Variants in PRELID2 observed in about 807,000 individuals in gnomAD.
PRELID2 encodes PRELI domain-containing protein 2.
PRELID2 carries 25 observed loss-of-function variants against 28.4 expected under a neutral mutation model. The observed-to-expected ratio is 0.88, with a 90% CI of 0.64 to 1.23. PRELID2 has a LOEUF of 1.23. PRELID2 is among the 50% of genes most tolerant of loss of function. PRELID2 has a pLI of 0.00. For synonymous variants in PRELID2, 76 were observed against 71.6 expected, an observed-to-expected ratio of 1.06 and a Z score of -0.31; for missense variants, 201 against 214.4, an observed-to-expected ratio of 0.94 and a Z score of 0.39.
At chr5:145,782,358 G>T (rs185682218) in intron 5 of PRELID2, among the ~76,000 whole-genome samples, 4 of 152,184 alleles carry the variant, frequency 2.6e-5, no homozygotes, top group Admixed American at 2.0e-4. Context: ...ATGACTTTGT[G>T]CAAGGAATTG....
At chr5:145,776,602 G>A (rs1758426823) in intron 5 of PRELID2, among the ~76,000 whole-genome samples, 1 of 152,196 alleles carries the variant, frequency 6.6e-6, no homozygotes, top group African/African-American at 2.4e-5. Context: ...CACCGTTTCA[G>A]GCACCCACTG....
chr5:145,496,360 G>A (rs890363455), intron 1 of PRELID2, among the ~76,000 whole-genome samples: 1 of 152,096 alleles, frequency 6.6e-6, no homozygotes, highest in Non-Finnish European at 1.5e-5. Flanking sequence ...TAAACTTGTA[G>A]GTCACAAATA....
intron 1 of PRELID2, among the ~76,000 whole-genome samples, chr5:145,680,838 T>C (rs1259704813): frequency 6.6e-6 from 1 of 151,528 alleles, no homozygotes; most frequent in Non-Finnish European, 1.5e-5. Context: ...AGACTGGGTA[T>C]GGGAGAAAGT....
chr5:145,426,766 C>A, the PRELID2 span, among the ~76,000 whole-genome samples: 1 of 152,174 alleles, frequency 6.6e-6, no homozygotes, highest in African/African-American at 2.4e-5. Context: ...GAACTCAGAT[C>A]TGTTGATTCC....
the PRELID2 span, among the ~76,000 whole-genome samples, chr5:145,248,893 C>G: frequency 6.6e-6 from 1 of 152,102 alleles, no homozygotes; most frequent in Non-Finnish European, 1.5e-5. Flanking sequence ...TAATCAGGTG[C>G]CAACAACTAA....
At chr5:145,370,300 G>A in the PRELID2 span, among the ~76,000 whole-genome samples, 9 of 152,154 alleles carry the variant, frequency 5.9e-5, no homozygotes, top group Admixed American at 3.9e-4. Flanking sequence ...TTTGCATAGG[G>A]TCTAAGGAAG....
chr5:145,425,078 A>AAC, the PRELID2 span, among the ~76,000 whole-genome samples: 1 of 151,532 alleles, frequency 6.6e-6, no homozygotes, highest in African/African-American at 2.4e-5. Context: ...AAGAAAAAAA[A>AAC]ACATTAAAAA....
At chr5:145,709,555 A>C (rs1755633567) in intron 1 of PRELID2, among the ~76,000 whole-genome samples, 1 of 152,090 alleles carries the variant, frequency 6.6e-6, no homozygotes, top group African/African-American at 2.4e-5. Flanking sequence ...AATAAGAAAA[A>C]GCAGGTTCTA....
At chr5:145,716,305 TAAC>T (rs1204292510) in intron 1 of PRELID2, among the ~76,000 whole-genome samples, 1 of 152,120 alleles carries the variant, frequency 6.6e-6, no homozygotes, top group Non-Finnish European at 1.5e-5. Context: ...AGTCGATGAA[TAAC>T]CAAGGAGACA....
chr5:145,824,530 T>C (rs1223542327), intron 1 of PRELID2, among the ~76,000 whole-genome samples: 1 of 151,670 alleles, frequency 6.6e-6, no homozygotes, highest in Non-Finnish European at 1.5e-5. Flanking sequence ...CTTAAAGATA[T>C]CTGTGACCCA....
At chr5:145,731,842 T>C (rs912420579) in intron 1 of PRELID2, among the ~76,000 whole-genome samples, 5 of 151,650 alleles carry the variant, frequency 3.3e-5, no homozygotes, top group Admixed American at 6.6e-5. Flanking sequence ...CCCTCAGGAG[T>C]AGAAGGGAGA....
chr5:145,229,695 C>T, the PRELID2 span: 2 of 760,212 alleles, frequency 2.6e-6, no homozygotes, highest in South Asian at 1.3e-5. Flanking sequence ...TTACCATGCT[C>T]ATTTAGACAT....
chr5:145,296,136 G>A, the PRELID2 span, among the ~76,000 whole-genome samples: 3 of 151,748 alleles, frequency 2.0e-5, no homozygotes, highest in Non-Finnish European at 4.4e-5. Context: ...CAAAACTCAT[G>A]TTGAAATTTA....
chr5:145,407,276 A>G, the PRELID2 span, among the ~76,000 whole-genome samples: 1 of 152,128 alleles, frequency 6.6e-6, no homozygotes, highest in South Asian at 2.1e-4. Flanking sequence ...TGTGTGGGGC[A>G]TGGTGGGAGT....
At chr5:145,461,835 G>T in the PRELID2 span, among the ~76,000 whole-genome samples, 1 of 152,152 alleles carries the variant, frequency 6.6e-6, no homozygotes. Flanking sequence ...AAATATTTAT[G>T]TATCCTCCCA....
At chr5:145,713,664 A>AGT (rs1297659334) in intron 1 of PRELID2, among the ~76,000 whole-genome samples, 1 of 97,384 alleles carries the variant, frequency 1.0e-5, no homozygotes, top group Non-Finnish European at 2.0e-5. Context: ...AAGTATATAT[A>AGT]GTGTGTGTAT....
chr5:145,425,886 A>C, the PRELID2 span, among the ~76,000 whole-genome samples: 1 of 152,180 alleles, frequency 6.6e-6, no homozygotes, highest in Admixed American at 6.5e-5. Flanking sequence ...TTAAAAAACC[A>C]ACTATGCCTT....
intron 1 of PRELID2, among the ~76,000 whole-genome samples, chr5:145,489,282 T>C (rs910362054): frequency 3.9e-5 from 6 of 152,238 alleles, no homozygotes; most frequent in African/African-American, 9.6e-5. Flanking sequence ...AGCATCATCA[T>C]TAGCTATTTG....
At chr5:145,724,754 A>G (rs1756096090) in intron 1 of PRELID2, among the ~76,000 whole-genome samples, 1 of 144,598 alleles carries the variant, frequency 6.9e-6, no homozygotes, top group African/African-American at 2.5e-5. Flanking sequence ...TATATATTAT[A>G]TATATATGTA....
Sources: gnomAD v4.1 joint callset for allele counts (sites outside exome capture counted in the v4.1 genomes callset) on GRCh38, gnomAD v4.1.1 for gene constraint, MANE v1.5 for transcripts, NCBI Gene and HGNC (gene_info 2026-07-23, HGNC 2026-07-21) for gene names.